CLVS1: variants seen among roughly 807,000 people sequenced by gnomAD.
CLVS1 encodes clavesin 1.
Under a neutral mutation model 33.1 loss-of-function variants are expected in CLVS1, and 10 were observed. The ratio of observed to expected loss-of-function variants is 0.30; its 90% CI spans 0.19 to 0.51. The LOEUF (loss-of-function observed/expected upper bound fraction) is 0.51. CLVS1 is among the 20% of genes least tolerant of loss of function. The pLI is 0.97. For synonymous variants in CLVS1, 163 were observed against 166.1 expected (o/e 0.98, Z 0.14); for missense variants, 343 against 433.4 (o/e 0.79, Z 1.85).
chr8:61,267,552 A>C (rs990975402), intron 2 of CLVS1, among the ~76,000 whole-genome samples: 1 of 152,184 alleles, frequency 6.6e-6, no homozygotes, highest in African/African-American at 2.4e-5. Context: ...TATAGGGAAA[A>C]TTATCTTCAG....
intron 3 of CLVS1, among the ~76,000 whole-genome samples, chr8:61,445,352 T>TG (rs1477518196): frequency 6.6e-6 from 1 of 152,196 alleles, no homozygotes; most frequent in Non-Finnish European, 1.5e-5. Flanking sequence ...TAGTGGGTCA[T>TG]GGGGGTGGAT....
At chr8:61,222,519 G>C (rs1808238110) in intron 2 of CLVS1, among the ~76,000 whole-genome samples, 1 of 152,164 alleles carries the variant, frequency 6.6e-6, no homozygotes, top group African/African-American at 2.4e-5. Context: ...GTTCTAATTT[G>C]ATTGCACTGT....
intron 2 of CLVS1, among the ~76,000 whole-genome samples, chr8:61,301,916 A>C (rs1318231553): frequency 6.6e-6 from 1 of 152,208 alleles, no homozygotes; most frequent in Non-Finnish European, 1.5e-5. Flanking sequence ...AAGAATAATG[A>C]ATCAATTTCC....
chr8:61,124,327 G>A (rs1239527421), intron 1 of CLVS1, among the ~76,000 whole-genome samples: 1 of 152,156 alleles, frequency 6.6e-6, no homozygotes, highest in Non-Finnish European at 1.5e-5. Context: ...GAGATTCCAG[G>A]ATTTGTTACT....
the CLVS1 span, among the ~76,000 whole-genome samples, chr8:60,990,961 C>G: frequency 6.6e-6 from 1 of 152,132 alleles, no homozygotes; most frequent in Non-Finnish European, 1.5e-5. Context: ...ATCCACCTGC[C>G]TTGGCCTCCA....
chr8:61,404,987 C>A (rs1438506241), intron 3 of CLVS1, among the ~76,000 whole-genome samples: 3 of 152,174 alleles, frequency 2.0e-5, no homozygotes, highest in Admixed American at 6.5e-5. Flanking sequence ...AGCTGGCCAC[C>A]AGAACCAACT....
At chr8:61,001,782 G>A in the CLVS1 span, among the ~76,000 whole-genome samples, 3 of 152,136 alleles carry the variant, frequency 2.0e-5, no homozygotes, top group African/African-American at 4.8e-5. Context: ...TCCCCAACCC[G>A]CAGTGCTTTG....
At chr8:61,003,627 G>C in the CLVS1 span, among the ~76,000 whole-genome samples, 1 of 152,194 alleles carries the variant, frequency 6.6e-6, no homozygotes, top group East Asian at 1.9e-4. Flanking sequence ...GGTCCGTCTT[G>C]TGCCCAGGTT....
chr8:61,068,201 A>ATG (rs1396029970), intron 1 of CLVS1, among the ~76,000 whole-genome samples: 18 of 98,500 alleles, frequency 1.8e-4, no homozygotes, highest in African/African-American at 9.3e-4. Context: ...GTGTATATGT[A>ATG]TATATATATA....
chr8:61,369,136 G>T (rs1462386312), intron 2 of CLVS1, among the ~76,000 whole-genome samples: 6 of 151,954 alleles, frequency 3.9e-5, no homozygotes, highest in Non-Finnish European at 8.8e-5. Flanking sequence ...TTAAATCCAG[G>T]CTTCTGTTCT....
chr8:61,121,256 G>C (rs941993702), intron 1 of CLVS1, among the ~76,000 whole-genome samples: 11 of 152,278 alleles, frequency 7.2e-5, no homozygotes, highest in African/African-American at 2.6e-4. Flanking sequence ...CGCACCCACT[G>C]ACCTGCACCC....
intron 3 of CLVS1, among the ~76,000 whole-genome samples, chr8:61,384,173 G>A (rs34252856): frequency 9.6e-4 from 146 of 152,318 alleles, no homozygotes; most frequent in Non-Finnish European, 1.5e-3. Flanking sequence ...CTCAGTAGGA[G>A]AGAGAAACAG....
chr8:61,394,211 C>T (rs910594247), intron 3 of CLVS1, among the ~76,000 whole-genome samples: 11 of 152,216 alleles, frequency 7.2e-5, no homozygotes, highest in Admixed American at 1.3e-4. Context: ...GGAATGCAGG[C>T]GGTTGTTTTC....
chr8:61,179,410 A>T (rs1807187423), intron 2 of CLVS1, among the ~76,000 whole-genome samples: 1 of 152,176 alleles, frequency 6.6e-6, no homozygotes, highest in Non-Finnish European at 1.5e-5. Flanking sequence ...TTAACACCCC[A>T]CTGTCAATAT....
intron 5 of CLVS1, among the ~76,000 whole-genome samples, chr8:61,468,891 CAT>C (rs918256090): frequency 1.9e-4 from 29 of 152,276 alleles, no homozygotes; most frequent in African/African-American, 6.3e-4. Flanking sequence ...CAGAAAAGCA[CAT>C]GTTAGCTTCC....
intron 2 of CLVS1, among the ~76,000 whole-genome samples, chr8:61,145,925 T>C (rs1007719474): frequency 4.6e-5 from 7 of 152,238 alleles, no homozygotes; most frequent in African/African-American, 1.7e-4. Flanking sequence ...ACAGAAAGAT[T>C]AAGTAATCAG....
intron 2 of CLVS1, among the ~76,000 whole-genome samples, chr8:61,159,412 T>C (rs1806711756): frequency 6.6e-6 from 1 of 152,170 alleles, no homozygotes; most frequent in African/African-American, 2.4e-5. Context: ...AAGATAATGC[T>C]GAGAAAGGAT....
chr8:61,327,097 A>G (rs537091268), intron 2 of CLVS1, among the ~76,000 whole-genome samples: 1 of 152,338 alleles, frequency 6.6e-6, no homozygotes, highest in East Asian at 1.9e-4. Flanking sequence ...ATATATGTCT[A>G]CATACATGAA....
intron 5 of CLVS1, among the ~76,000 whole-genome samples, chr8:61,474,441 G>A (rs567225479): frequency 1.3e-5 from 2 of 152,174 alleles, no homozygotes; most frequent in Non-Finnish European, 2.9e-5. Context: ...ATTTGTATCT[G>A]GAGAGGCATG....
Sources: allele counts gnomAD v4.1 joint callset (sites outside exome capture counted in the v4.1 genomes callset), GRCh38; gene constraint gnomAD v4.1.1; transcripts MANE v1.5; gene names NCBI Gene and HGNC (gene_info 2026-07-23, HGNC 2026-07-21).